Variants in DRC8 observed in about 807,000 individuals in gnomAD.
The protein encoded by DRC8 is dynein regulatory complex protein 8.
the DRC8 span, among the ~76,000 whole-genome samples, chr1:244,974,223 T>G: frequency 6.6e-6 from 1 of 152,234 alleles, no homozygotes; most frequent in Non-Finnish European, 1.5e-5. Context: ...GCTCCTTAAA[T>G]CTTATTGTTT....
the DRC8 span, among the ~76,000 whole-genome samples, chr1:244,990,681 C>T: frequency 6.6e-6 from 1 of 152,086 alleles, no homozygotes; most frequent in African/African-American, 2.4e-5. Context: ...CAGTGTCTTG[C>T]TCTGTTGCCC....
the DRC8 span, chr1:245,059,515 G>T: frequency 1.3e-5 from 18 of 1,435,414 alleles, no homozygotes; most frequent in Non-Finnish European, 1.7e-5. Flanking sequence ...GCTACTCCTT[G>T]TAATTAAAAA....
At chr1:245,023,910 C>G in the DRC8 span, among the ~76,000 whole-genome samples, 2 of 152,142 alleles carry the variant, frequency 1.3e-5, no homozygotes, top group Admixed American at 1.3e-4. Context: ...TGGCTCAAAC[C>G]TGTAATCCCA....
the DRC8 span, among the ~76,000 whole-genome samples, chr1:245,117,214 G>A: frequency 3.3e-5 from 5 of 151,896 alleles, no homozygotes; most frequent in East Asian, 3.9e-4. Context: ...CACCACACCC[G>A]GCTAATTTCT....
the DRC8 span, chr1:245,087,493 G>GC: frequency 7.2e-7 from 1 of 1,384,546 alleles, no homozygotes; most frequent in Non-Finnish European, 9.3e-7. Flanking sequence ...AAGACACTTT[G>GC]TTTTTAAAGA....
chr1:245,026,123 C>G, the DRC8 span, among the ~76,000 whole-genome samples: 1 of 152,192 alleles, frequency 6.6e-6, no homozygotes, highest in Admixed American at 6.5e-5. Context: ...TCCAGCAGCA[C>G]CAAGTATCCA....
the DRC8 span, among the ~76,000 whole-genome samples, chr1:245,038,343 G>A: frequency 1.2e-4 from 19 of 152,094 alleles, no homozygotes; most frequent in African/African-American, 2.9e-4. Flanking sequence ...GGTGGCAGGC[G>A]CCTGTAGTCC....
chr1:245,097,366 A>C, the DRC8 span, among the ~76,000 whole-genome samples: 32 of 152,022 alleles, frequency 2.1e-4, no homozygotes, highest in Non-Finnish European at 8.8e-5. This position sits in a 1 kb window ranked among gnomAD's most constrained non-coding sequence, Gnocchi z 5.0. Flanking sequence ...AAAAATGCAA[A>C]AATTAGCTGG....
chr1:245,006,676 G>A, the DRC8 span, among the ~76,000 whole-genome samples: 1 of 152,184 alleles, frequency 6.6e-6, no homozygotes, highest in Non-Finnish European at 1.5e-5. Context: ...GCTCACGCCT[G>A]TAATCCCAGC....
the DRC8 span, among the ~76,000 whole-genome samples, chr1:245,025,903 C>T: frequency 8.5e-5 from 13 of 152,314 alleles, no homozygotes; most frequent in African/African-American, 2.2e-4. Context: ...CCTCCTTCGC[C>T]TTCCACCATG....
chr1:245,061,257 A>G, the DRC8 span, among the ~76,000 whole-genome samples: 7 of 152,342 alleles, frequency 4.6e-5, no homozygotes, highest in East Asian at 5.8e-4. Flanking sequence ...CGAGGAATCA[A>G]CTGTTACTTG....
the DRC8 span, among the ~76,000 whole-genome samples, chr1:245,084,934 T>A: frequency 6.6e-6 from 1 of 152,254 alleles, no homozygotes; most frequent in Non-Finnish European, 1.5e-5. Context: ...GGATTAATTC[T>A]GATGGGGATG....
chr1:245,083,473 C>T, the DRC8 span: 23 of 1,613,500 alleles, frequency 1.4e-5, no homozygotes, highest in Middle Eastern at 1.7e-4. Flanking sequence ...TGTCCTTCTT[C>T]GAGCTTTTGA....
the DRC8 span, among the ~76,000 whole-genome samples, chr1:244,981,165 C>CA: frequency 6.6e-6 from 1 of 151,994 alleles, no homozygotes; most frequent in East Asian, 1.9e-4. Context: ...GCCTGGATGA[C>CA]AGAGTGAGAC....
the DRC8 span, among the ~76,000 whole-genome samples, chr1:244,996,050 T>C: frequency 6.6e-6 from 1 of 152,242 alleles, no homozygotes; most frequent in African/African-American, 2.4e-5. Flanking sequence ...AATAAACATT[T>C]ATTTTTTCAC....
chr1:245,015,024 G>C, the DRC8 span, among the ~76,000 whole-genome samples: 1 of 152,130 alleles, frequency 6.6e-6, no homozygotes, highest in Non-Finnish European at 1.5e-5. Flanking sequence ...CTATTGGGTG[G>C]TATTATATTT....
At chr1:245,061,044 C>T in the DRC8 span, among the ~76,000 whole-genome samples, 2 of 152,162 alleles carry the variant, frequency 1.3e-5, no homozygotes, top group Non-Finnish European at 2.9e-5. Context: ...AAAAAGGTTG[C>T]CAACTCCTGA....
the DRC8 span, among the ~76,000 whole-genome samples, chr1:245,104,043 T>G: frequency 6.6e-6 from 1 of 152,002 alleles, no homozygotes; most frequent in Non-Finnish European, 1.5e-5. Context: ...ACAGTGGAAA[T>G]AAGAAGAGGT....
At chr1:245,091,665 T>A in the DRC8 span, 1 of 152,210 alleles carries the variant, frequency 6.6e-6, no homozygotes, top group Non-Finnish European at 1.5e-5. Flanking sequence ...GGAATGTAAT[T>A]CATTTTTATC....
Sources: allele counts gnomAD v4.1 joint callset (sites outside exome capture counted in the v4.1 genomes callset), GRCh38; gene constraint gnomAD v4.1.1; non-coding constraint Gnocchi (gnomAD v3.1); transcripts MANE v1.5; gene names NCBI Gene and HGNC (gene_info 2026-07-23, HGNC 2026-07-21).